MEGF10: variants seen among roughly 807,000 people sequenced by gnomAD.
The protein encoded by MEGF10 is multiple epidermal growth factor-like domains protein 10.
A neutral mutation model predicts 147.5 loss-of-function variants in MEGF10; 86 were observed. That is an observed-to-expected ratio of 0.58 (90% CI 0.49 to 0.70). The LOEUF is 0.70. Among genes scored for constraint, MEGF10 ranks in the 30% least tolerant of loss-of-function variants. The pLI is 0.00. For missense variants in MEGF10, 1,329 were observed against 1,487.3 expected (o/e 0.89, Z 1.75); for synonymous variants, 478 against 525.5 (o/e 0.91, Z 1.24).
chr5:127,343,545 G>T (rs1249400683), intron 4 of MEGF10, among the ~76,000 whole-genome samples: 2 of 151,946 alleles, frequency 1.3e-5, no homozygotes, highest in Non-Finnish European at 2.9e-5. Flanking sequence ...ATGTCCTTTT[G>T]GTTCTTATCT....
chr5:127,444,867 G>A (rs1765883635), intron 19 of MEGF10: 1 of 152,724 alleles, frequency 6.5e-6, no homozygotes, highest in African/African-American at 2.4e-5. Context: ...TTGCTTGGAA[G>A]GAAAATTACT....
chr5:127,357,630 A>C (rs1762326050), intron 4 of MEGF10, among the ~76,000 whole-genome samples: 1 of 146,972 alleles, frequency 6.8e-6, no homozygotes, highest in Non-Finnish European at 1.5e-5. Context: ...TAAATAAATA[A>C]AATTTAAAAA....
intron 1 of MEGF10, among the ~76,000 whole-genome samples, chr5:127,323,260 T>TACAC (rs1185909301): frequency 6.6e-6 from 1 of 152,202 alleles, no homozygotes; most frequent in Non-Finnish European, 1.5e-5. Context: ...ATAAGTGACC[T>TACAC]ACACACAGCA....
At chr5:127,244,739 T>G in the MEGF10 span, among the ~76,000 whole-genome samples, 6 of 152,290 alleles carry the variant, frequency 3.9e-5, no homozygotes, top group South Asian at 1.2e-3. Context: ...CCAATAATTA[T>G]ATACTAAACC....
the MEGF10 span, among the ~76,000 whole-genome samples, chr5:127,235,796 T>C: frequency 1.3e-5 from 2 of 152,226 alleles, no homozygotes; most frequent in Admixed American, 1.3e-4. Flanking sequence ...GTATTGTTTT[T>C]GTTAGTTTAT....
chr5:127,378,908 C>T (rs1342465775), intron 5 of MEGF10, among the ~76,000 whole-genome samples: 1 of 151,634 alleles, frequency 6.6e-6, no homozygotes, highest in East Asian at 1.9e-4. Context: ...GATGTCCTTA[C>T]CAGATGAAAT....
At chr5:127,346,499 A>G (rs565654490) in intron 4 of MEGF10, among the ~76,000 whole-genome samples, 2 of 152,310 alleles carry the variant, frequency 1.3e-5, no homozygotes, top group African/African-American at 2.4e-5. Flanking sequence ...GGCCATTTAT[A>G]TATCTTCTTT....
chr5:127,380,474 C>T (rs1763208055), intron 5 of MEGF10, among the ~76,000 whole-genome samples: 1 of 152,046 alleles, frequency 6.6e-6, no homozygotes, highest in Non-Finnish European at 1.5e-5. Context: ...CTTCAGGACG[C>T]ACCTTGGCTA....
chr5:127,399,392 T>C (rs1764044184), intron 7 of MEGF10, among the ~76,000 whole-genome samples: 2 of 152,228 alleles, frequency 1.3e-5, no homozygotes, highest in South Asian at 2.1e-4. Flanking sequence ...TTATGTAGAA[T>C]ACACAGTGAC....
chr5:127,426,975 G>A (rs1264599236), intron 13 of MEGF10, among the ~76,000 whole-genome samples: 5 of 152,196 alleles, frequency 3.3e-5, no homozygotes, highest in Admixed American at 1.3e-4. Flanking sequence ...TTTGGAAAGT[G>A]GCTGAGGAGG....
At chr5:127,300,273 G>A (rs1759709396) in intron 1 of MEGF10, among the ~76,000 whole-genome samples, 1 of 152,212 alleles carries the variant, frequency 6.6e-6, no homozygotes, top group South Asian at 2.1e-4. Flanking sequence ...CCATTTGTGT[G>A]ATATAGAGAG....
At chr5:127,420,657 C>A (rs935475798) in intron 12 of MEGF10, among the ~76,000 whole-genome samples, 2 of 152,088 alleles carry the variant, frequency 1.3e-5, no homozygotes, top group Non-Finnish European at 2.9e-5. Flanking sequence ...GGTTTGGAAA[C>A]AATGTCTTTT....
the MEGF10 span, among the ~76,000 whole-genome samples, chr5:127,238,598 C>A: frequency 6.6e-6 from 1 of 152,194 alleles, no homozygotes; most frequent in Non-Finnish European, 1.5e-5. Context: ...CAAAGTCACA[C>A]GGGTGGGAAG....
intron 5 of MEGF10, among the ~76,000 whole-genome samples, chr5:127,380,876 A>G (rs1219503449): frequency 2.0e-5 from 3 of 152,186 alleles, no homozygotes; most frequent in Admixed American, 6.5e-5. Context: ...GGTAGCTGCA[A>G]TGAAATTATA....
intron 1 of MEGF10, among the ~76,000 whole-genome samples, chr5:127,294,491 C>T (rs1296143072): frequency 1.3e-5 from 2 of 152,110 alleles, no homozygotes; most frequent in Non-Finnish European, 2.9e-5. Context: ...CTAGACATAG[C>T]CTAGGAAGTT....
chr5:127,424,168 AT>A (rs778957431), intron 13 of MEGF10, among the ~76,000 whole-genome samples: 1 of 152,180 alleles, frequency 6.6e-6, no homozygotes, highest in Non-Finnish European at 1.5e-5. Context: ...CCTTTTTAAA[AT>A]TCAGCATTCC....
chr5:127,314,376 GC>G (rs1760430901), intron 1 of MEGF10, among the ~76,000 whole-genome samples: 1 of 152,202 alleles, frequency 6.6e-6, no homozygotes, highest in Admixed American at 6.5e-5. Context: ...CATGGGCTCT[GC>G]TTTCAAGGAC....
chr5:127,335,570 CTAATGATTGGTGGG>C (rs1452230143), intron 2 of MEGF10, among the ~76,000 whole-genome samples: 1 of 152,062 alleles, frequency 6.6e-6, no homozygotes, highest in Admixed American at 6.6e-5. Flanking sequence ...ACTTAATTGC[CTAATGATTGGTGGG>C]TATTGAGCAA....
intron 1 of MEGF10, among the ~76,000 whole-genome samples, chr5:127,306,585 CTGCTG>C (rs1224386682): frequency 2.0e-5 from 3 of 152,208 alleles, no homozygotes; most frequent in Non-Finnish European, 4.4e-5. Context: ...TTGGCTCCAG[CTGCTG>C]TGCCCCAGAA....
Sources: allele counts gnomAD v4.1 joint callset (sites outside exome capture counted in the v4.1 genomes callset), GRCh38; gene constraint gnomAD v4.1.1; transcripts MANE v1.5; gene names NCBI Gene and HGNC (gene_info 2026-07-23, HGNC 2026-07-21).